The following ADAMTS17 variants were observed in gnomAD, a reference collection of about 807,000 sequenced individuals.
The protein encoded by ADAMTS17 is A disintegrin and metalloproteinase with thrombospondin motifs 17.
Under a neutral mutation model 141.5 loss-of-function variants are expected in ADAMTS17, and 113 were observed. The observed-to-expected ratio is 0.80, with a 90% CI of 0.69 to 0.93. ADAMTS17 has a LOEUF of 0.93. Ranked by LOEUF, ADAMTS17 falls within the 40% of genes least tolerant of loss-of-function variation. The pLI is 0.00. For synonymous variants in ADAMTS17, 768 were observed against 630.6 expected (o/e 1.22, Z -3.27); for missense variants, 1,659 against 1,517.9 (o/e 1.09, Z -1.54).
At chr15:100,160,979 T>C (rs750617468) in intron 8 of ADAMTS17, among the ~76,000 whole-genome samples, 2 of 152,258 alleles carry the variant, frequency 1.3e-5, no homozygotes, top group Non-Finnish European at 2.9e-5. Context: ...GCATTTATTA[T>C]TTCTGGCAAC....
At chr15:100,118,985 G>C (rs1361066252) in intron 12 of ADAMTS17, among the ~76,000 whole-genome samples, 1 of 151,574 alleles carries the variant, frequency 6.6e-6, no homozygotes, top group Non-Finnish European at 1.5e-5. Context: ...CTATACTAGA[G>C]TAGGTTGAGC....
intron 10 of ADAMTS17, among the ~76,000 whole-genome samples, chr15:100,138,947 T>G (rs2038478756): frequency 6.6e-6 from 1 of 152,164 alleles, no homozygotes; most frequent in Non-Finnish European, 1.5e-5. Context: ...ACAAAAATTA[T>G]CAGTGATTTC....
chr15:100,096,276 T>C, intron 15 of ADAMTS17, 80 bp downstream of exon 15: 1 of 1,599,800 alleles, frequency 6.3e-7, no homozygotes, highest in Non-Finnish European at 8.5e-7. Context: ...ATATGAAATG[T>C]AGGGAAGACT....
At chr15:100,208,973 C>A (rs1461711205) in intron 7 of ADAMTS17, among the ~76,000 whole-genome samples, 1 of 152,154 alleles carries the variant, frequency 6.6e-6, no homozygotes, top group African/African-American at 2.4e-5. Flanking sequence ...CCTTTACTGC[C>A]TTCCAAGGGC....
At chr15:99,986,878 G>C (rs944008566) in intron 20 of ADAMTS17, among the ~76,000 whole-genome samples, 13 of 152,368 alleles carry the variant, frequency 8.5e-5, no homozygotes, top group African/African-American at 3.1e-4. Context: ...ACTATCCCGG[G>C]TGGGAAGGCA....
At chr15:100,132,657 C>T (rs1434134599) in intron 11 of ADAMTS17, among the ~76,000 whole-genome samples, 2 of 152,192 alleles carry the variant, frequency 1.3e-5, no homozygotes, top group Non-Finnish European at 2.9e-5. Context: ...CCCTGAGGTG[C>T]TAGGTGTGAT....
chr15:100,207,135 G>C (rs1390037252), intron 7 of ADAMTS17, among the ~76,000 whole-genome samples: 3 of 152,154 alleles, frequency 2.0e-5, no homozygotes, highest in Admixed American at 2.0e-4. Flanking sequence ...AGGTCAGCAA[G>C]GTGGGGCCCT....
intron 3 of ADAMTS17, among the ~76,000 whole-genome samples, chr15:100,296,915 C>T (rs1261440254): frequency 6.6e-6 from 1 of 152,168 alleles, no homozygotes; most frequent in Non-Finnish European, 1.5e-5. Context: ...AATGTAGGTG[C>T]CCATCTAGAA....
chr15:100,067,337 C>T (rs568529957), intron 15 of ADAMTS17, among the ~76,000 whole-genome samples: 86 of 152,188 alleles, frequency 5.7e-4, no homozygotes, highest in African/African-American at 2.0e-3. Flanking sequence ...ATTGAGAAGG[C>T]AGCCATCATT....
At chr15:100,075,067 C>T (rs554066215) in intron 15 of ADAMTS17, among the ~76,000 whole-genome samples, 8 of 152,084 alleles carry the variant, frequency 5.3e-5, no homozygotes, top group Admixed American at 2.0e-4. Context: ...TCCATAGGCC[C>T]GTATATTTAT....
At chr15:99,994,158 A>G (rs993465851) in intron 19 of ADAMTS17, among the ~76,000 whole-genome samples, 2 of 152,206 alleles carry the variant, frequency 1.3e-5, no homozygotes, top group South Asian at 4.2e-4. Flanking sequence ...ACTCACAAAC[A>G]AGTTGGCCCT....
chr15:100,252,261 G>A (rs181879140), intron 7 of ADAMTS17, among the ~76,000 whole-genome samples: 12 of 152,166 alleles, frequency 7.9e-5, no homozygotes, highest in African/African-American at 2.4e-4. Context: ...ATGAACACTG[G>A]CATTGGAGTC....
chr15:100,149,558 T>C (rs2039067806), intron 10 of ADAMTS17, among the ~76,000 whole-genome samples: 1 of 152,330 alleles, frequency 6.6e-6, no homozygotes, highest in Non-Finnish European at 1.5e-5. Context: ...TTTAGTTCCC[T>C]GTTCCTCACC....
chr15:100,307,939 T>C (rs1041009781), intron 3 of ADAMTS17, among the ~76,000 whole-genome samples: 2 of 152,222 alleles, frequency 1.3e-5, no homozygotes, highest in African/African-American at 2.4e-5. Context: ...AATTATGTTT[T>C]TTCTATGAAA....
At chr15:100,017,163 C>G (rs2061307228) in intron 18 of ADAMTS17, among the ~76,000 whole-genome samples, 1 of 152,178 alleles carries the variant, frequency 6.6e-6, no homozygotes, top group Non-Finnish European at 1.5e-5. Flanking sequence ...CCGGCAGTCA[C>G]AGGCCTCACC....
At chr15:100,219,784 T>A (rs1252458161) in intron 7 of ADAMTS17, among the ~76,000 whole-genome samples, 3 of 152,332 alleles carry the variant, frequency 2.0e-5, no homozygotes, top group Admixed American at 2.0e-4. Flanking sequence ...GCTAGAAACC[T>A]GGAAGCATTC....
chr15:100,193,658 C>A (rs1174938194), intron 8 of ADAMTS17, among the ~76,000 whole-genome samples: 1 of 152,200 alleles, frequency 6.6e-6, no homozygotes, highest in Non-Finnish European at 1.5e-5. Flanking sequence ...TGGGCCACTG[C>A]ATTTCTAAAC....
intron 6 of ADAMTS17, among the ~76,000 whole-genome samples, chr15:100,258,096 A>G (rs75511266): frequency 0.012 from 1,862 of 152,346 alleles, 53 homozygotes; most frequent in East Asian, 0.12. Context: ...CATATACAGC[A>G]TATCTGTTTA....
chr15:100,114,764 G>A (rs1313007805), intron 13 of ADAMTS17, among the ~76,000 whole-genome samples: 1 of 152,176 alleles, frequency 6.6e-6, no homozygotes, highest in Non-Finnish European at 1.5e-5. Context: ...CCCCCAGAGA[G>A]CCACACCGCA....
Sources: allele counts gnomAD v4.1 joint callset (sites outside exome capture counted in the v4.1 genomes callset), GRCh38; gene constraint gnomAD v4.1.1; transcripts MANE v1.5; gene names NCBI Gene and HGNC (gene_info 2026-07-23, HGNC 2026-07-21).